The following ERCC5 variants were observed in gnomAD, a reference collection of about 807,000 sequenced individuals.
ERCC5 encodes DNA excision repair protein ERCC-5.
A neutral mutation model predicts 105.6 loss-of-function variants in ERCC5; 68 were observed. That is an observed-to-expected ratio of 0.64 (90% CI 0.53 to 0.79). ERCC5 has a LOEUF of 0.79. Among genes scored for constraint, ERCC5 ranks in the 30% least tolerant of loss-of-function variants. The pLI is 0.00. For synonymous variants in ERCC5, 546 were observed against 526.2 expected (o/e 1.04, Z -0.51); for missense variants, 1,373 against 1,426.7 (o/e 0.96, Z 0.61).
At chr13:102,867,427 C>T (rs1882879357) in intron 11 of ERCC5, among the ~76,000 whole-genome samples, 1 of 152,172 alleles carries the variant, frequency 6.6e-6, no homozygotes, top group African/African-American at 2.4e-5. Context: ...ACTCGTGTAA[C>T]TTCAAGGCAG....
At chr13:102,866,432 G>A in intron 10 of ERCC5, 51 bp downstream of exon 10, 1 of 1,613,704 alleles carries the variant, frequency 6.2e-7, no homozygotes, top group Non-Finnish European at 8.5e-7. Context: ...AGACCCCTGG[G>A]GGAATGCACT....
chr13:102,858,264 T>TAAA lies in ERCC5; in HGVS notation c.529-10_529-9insAAA, dbSNP rs780502617. ...TGTAAATTTCATGGTGCTGTGATTT[T>TAAA]ATCTTTACAGGAAGAGTTCTTTCAT... On this transcript the variant is annotated splice_polypyrimidine_tract_variant and intron_variant, in intron 5 of 14. Transcript: ENST00000652225. 4 of 1,614,058 alleles carry TAAA rather than the reference T, an allele frequency of 2.5e-6. No individual in the cohort carries two copies. Among genetic ancestry groups the TAAA allele is most frequent in the Non-Finnish European group, 3.4e-6 (4 of 1,180,012 alleles).
chr13:102,867,917 C>A (rs890205794), intron 11 of ERCC5, among the ~76,000 whole-genome samples, 196 bp from the exon 12 acceptor site: 3 of 152,038 alleles, frequency 2.0e-5, no homozygotes, highest in African/African-American at 7.3e-5. Context: ...GTATTTAAAG[C>A]TATGAGAATG....
At chr13:102,854,780 C>T (rs1422013827) in intron 4 of ERCC5, among the ~76,000 whole-genome samples, 1 of 152,238 alleles carries the variant, frequency 6.6e-6, no homozygotes, top group African/African-American at 2.4e-5. Context: ...CTTTGCACGT[C>T]TTAGTGTGCT....
chr13:102,866,076 G>T, intron 9 of ERCC5, 165 bp downstream of exon 9: 1 of 1,480,662 alleles, frequency 6.8e-7, no homozygotes, highest in Non-Finnish European at 9.3e-7. Flanking sequence ...GATAGACTCC[G>T]TTTTCCATGT....
Position 102,869,958 on chromosome 13 carries a change from G to A in ERCC5, c.2678+1701G>A, listed in dbSNP as rs182394483. Among the ~76,000 whole-genome samples the A allele has an allele frequency of 1.4e-3, 210 of 152,306 alleles. 1 individual carries two copies. The highest frequency in any genetic ancestry group is 4.9e-3 in the African/African-American group (203 of 41,556). On this transcript the variant is annotated intron_variant, in intron 12 of 14. Transcript: ENST00000652225. The stretch of plus-strand genomic sequence containing the variant: ...TCATTTTCATATTTGAGCAGTTTCT[G>A]CCTTTGGTCCTCCAGCTCGTTGATG...
chr13:102,861,763 A>G, intron 7 of ERCC5, 49 bp downstream of exon 7: 1 of 1,604,150 alleles, frequency 6.2e-7, no homozygotes, highest in South Asian at 1.1e-5. Context: ...TCAAAGATAT[A>G]TCATGACTCT....
At chr13:102,875,021 A>G (rs1390275382) in intron 14 of ERCC5, among the ~76,000 whole-genome samples, 2 of 152,222 alleles carry the variant, frequency 1.3e-5, no homozygotes, top group African/African-American at 4.8e-5. Flanking sequence ...CTACAGAAAA[A>G]TATTTAACGC....
intron 12 of ERCC5, 97 bp downstream of exon 12, chr13:102,868,354 T>C (rs1272246130): frequency 6.7e-6 from 10 of 1,492,778 alleles, no homozygotes; most frequent in Admixed American, 1.8e-5. Flanking sequence ...TGCTGTAACA[T>C]GTGAACAATG....
intron 4 of ERCC5, 28 bp downstream of exon 4, chr13:102,854,402 A>G (rs1256735744): frequency 6.2e-7 from 1 of 1,600,648 alleles, no homozygotes; most frequent in Non-Finnish European, 8.6e-7. Flanking sequence ...TAAGAATATT[A>G]TTTTAGTCAT....
Position 102,862,821 on chromosome 13 carries a change from T to C in ERCC5, c.1672T>C (p.Ser558Pro). Reference sequence around the variant, plus strand: ...TTGCCCATATGAGAGTAAATTCGATTCTTCTCTTCTTTCAAGTGATGATGA... The same window carrying C: ...TTGCCCATATGAGAGTAAATTCGATCCTTCTCTTCTTTCAAGTGATGATGA... Reference protein sequence around the residue: ...ELCPYESKFDSSLLSSDDETK... With the variant: ...ELCPYESKFDPSLLSSDDETK... The change falls in exon 8 of 15, where the codon TCT becomes CCT. Residue 558 changes from serine (S) to proline (P), a missense_variant. Transcript: ENST00000652225. 1 of 1,614,244 alleles carries C rather than the reference T, an allele frequency of 6.2e-7. No individual in the cohort carries two copies. The highest frequency in any genetic ancestry group is 8.5e-7 in the Non-Finnish European group (1 of 1,180,040).
intron 2 of ERCC5, 100 bp downstream of exon 2, chr13:102,852,393 A>T: frequency 1.5e-6 from 2 of 1,365,506 alleles, no homozygotes; most frequent in South Asian, 2.6e-5. Context: ...TTAGAATTTT[A>T]GAAACAGACT....
At chr13:102,860,505 A>G (rs1345615959) in intron 6 of ERCC5, among the ~76,000 whole-genome samples, 1 of 152,172 alleles carries the variant, frequency 6.6e-6, no homozygotes, top group Admixed American at 6.5e-5. Flanking sequence ...CTGCAGTTTC[A>G]GGCATCCTCT....
At position 102,854,349 on chromosome 13, in the gene ERCC5, C is replaced by T. The variant is rs778333931; in HGVS notation, c.442C>T (p.Pro148Ser). The change falls in exon 4 of 15, where the codon CCT (proline) becomes TCT (serine). Residue 148 changes from proline to serine, a missense_variant. This residue lies in a region of ERCC5 where 1,004 missense variants were observed against 1,059.7 expected (regional missense o/e 0.95). Transcript: ENST00000652225. Reference sequence around the variant, plus strand: ...AGAAAACGACCTCTATGTTTTGCCTCCTTTACAAGAGGAAGAAAAACACAG... The same window carrying T: ...AGAAAACGACCTCTATGTTTTGCCTTCTTTACAAGAGGAAGAAAAACACAG... ...RRENDLYVLP[P>S]LQEEEKHSSE... 6.9e-5 allele frequency: 111 copies of T among 1,613,984 alleles called. 1 individual carries two copies. In the Admixed American group the frequency reaches 1.6e-3, roughly 23 times the overall value.
In ERCC5 at chr13:102,867,703, G is replaced by A. The variant is rs539552513; in HGVS notation, c.2534-410G>A. On this transcript the variant is annotated intron_variant, in intron 11 of 14. Transcript: ENST00000652225. ...CGAGGAGGATTCCAGATACTGAGCAGCTGGTCGAGTGGACCTGCCTTCAGT... is the reference window on the plus strand; with the variant it reads ...CGAGGAGGATTCCAGATACTGAGCAACTGGTCGAGTGGACCTGCCTTCAGT... 3.0e-4 allele frequency among the ~76,000 whole-genome samples: 46 copies of A among 152,342 alleles called. No homozygotes were observed. In the South Asian group the frequency reaches 9.5e-3, roughly 32 times the overall value.
chr13:102,864,335 G>A (rs543362935), intron 8 of ERCC5, among the ~76,000 whole-genome samples: 1 of 152,232 alleles, frequency 6.6e-6, no homozygotes, highest in African/African-American at 2.4e-5. Context: ...TGAATAATTT[G>A]TTACTACGTT....
At position 102,875,487 on chromosome 13, in the gene ERCC5, G is replaced by A; in HGVS notation, c.3145G>A (p.Asp1049Asn). 6.2e-7 allele frequency: 1 copy of A among 1,614,126 alleles called. No individual in the cohort carries two copies. ...VAMEKEFELLDKAKGKTQKRG... is the reference protein window; with the variant it reads ...VAMEKEFELLNKAKGKTQKRG... The stretch of plus-strand genomic sequence containing the variant: ...CATGGAGAAAGAATTTGAGCTACTT[G>A]ATAAGGCAAAAGGAAAAACCCAGAA... Residue 1049 changes from aspartate (D) to asparagine (N), a missense_variant, in exon 15 of 15, where the codon GAT becomes AAT. Physicochemically the swap from Asp to Asn is conservative, Grantham distance 23 (BLOSUM62 1). Around this residue, in one of 3 missense-constraint regions of ERCC5, gnomAD observed 367 missense variants for 350.2 expected, o/e 1.05. Transcript: ENST00000652225.
chr13:102,865,760 A>C lies in ERCC5; in HGVS notation c.2048A>C (p.Glu683Ala). Residue 683 changes from glutamate to alanine, a missense_variant, in exon 9 of 15, where the codon GAG becomes GCG. Glu to Ala is a moderately radical substitution (Grantham distance 107, BLOSUM62 -1). Transcript: ENST00000652225. This position sits in a 1 kb window ranked among gnomAD's most constrained non-coding sequence, Gnocchi z 4.0. ...TSKPPSEQGE[E>A]ELVGTREGEA... is the part of the protein sequence containing the mutation. ...AAACCTCCCTCAGAACAAGGCGAAG[A>C]GGAACTGGTAGGAACTAGGGAGGGA... The C allele has an allele frequency of 6.2e-7, 1 of 1,614,146 alleles. No individual in the cohort carries two copies. Among genetic ancestry groups the C allele is most frequent in the Non-Finnish European group, 8.5e-7 (1 of 1,179,994 alleles).
intron 5 of ERCC5, among the ~76,000 whole-genome samples, chr13:102,857,679 A>G (rs961219309): frequency 6.6e-6 from 1 of 152,190 alleles, no homozygotes; most frequent in Non-Finnish European, 1.5e-5. Context: ...TAACTTAATT[A>G]TGGGAATGAT....
Sources: gnomAD v4.1 joint callset for allele counts (sites outside exome capture counted in the v4.1 genomes callset) on GRCh38, gnomAD v4.1.1 for gene constraint, gnomAD v4.1.1 regional missense constraint, Gnocchi (gnomAD v3.1) non-coding constraint, MANE v1.5 for transcripts, NCBI Gene and HGNC (gene_info 2026-07-23, HGNC 2026-07-21) for gene names.